SSBP3: variants seen among roughly 807,000 people sequenced by gnomAD.
SSBP3 encodes single-stranded DNA-binding protein 3.
In SSBP3, 5 loss-of-function variants were observed where a neutral mutation model predicts 69.6. The ratio of observed to expected loss-of-function variants is 0.07; its 90% CI spans 0.04 to 0.15. The LOEUF (loss-of-function observed/expected upper bound fraction) is 0.15, where lower values mean the gene tolerates loss of function less well. SSBP3 is among the 10% of genes least tolerant of loss of function. The probability of loss-of-function intolerance (pLI) is 1.00; values close to 1 mark genes in which losing one functional copy is unlikely to be tolerated. For synonymous variants in SSBP3, 196 were observed against 193.4 expected (o/e 1.01, Z -0.11); for missense variants, 312 against 534.0 (o/e 0.58, Z 4.10).
intron 5 of SSBP3, among the ~76,000 whole-genome samples, chr1:54,273,763 A>G (rs909751147): frequency 1.3e-5 from 2 of 152,220 alleles, no homozygotes; most frequent in Admixed American, 6.5e-5. Context: ...ATTTGGCAGC[A>G]GGGCTGGTAT....
At chr1:54,310,597 C>G (rs563913121) in intron 4 of SSBP3, among the ~76,000 whole-genome samples, 145 of 152,218 alleles carry the variant, frequency 9.5e-4, no homozygotes, top group African/African-American at 3.3e-3. Context: ...CTTCCTCCCT[C>G]CCCCACCCTC....
At chr1:54,271,580 A>T (rs1476523211) in intron 5 of SSBP3, among the ~76,000 whole-genome samples, 2 of 147,988 alleles carry the variant, frequency 1.4e-5, no homozygotes, top group Admixed American at 6.8e-5. Flanking sequence ...TGCTCCAAAG[A>T]CCCTGTTCAC....
chr1:54,352,038 G>A (rs572771517), intron 4 of SSBP3, among the ~76,000 whole-genome samples: 1 of 152,320 alleles, frequency 6.6e-6, no homozygotes, highest in African/African-American at 2.4e-5. Flanking sequence ...GCGCATGCCT[G>A]TAGTCCCAGC....
At chr1:54,245,733 G>A (rs561710179) in intron 9 of SSBP3, among the ~76,000 whole-genome samples, 2 of 152,374 alleles carry the variant, frequency 1.3e-5, no homozygotes, top group South Asian at 4.1e-4. Context: ...AGCCTTGTGG[G>A]AATGTGCTGG....
chr1:54,226,936 A>G (rs970906811), exon 18 of SSBP3: 2 of 605,968 alleles, frequency 3.3e-6, no homozygotes, highest in Non-Finnish European at 6.1e-6. Flanking sequence ...TATGGAATAA[A>G]AAGTTTGGCC....
At chr1:54,402,795 A>G (rs1649404573) in intron 3 of SSBP3, among the ~76,000 whole-genome samples, 1 of 152,206 alleles carries the variant, frequency 6.6e-6, no homozygotes, top group African/African-American at 2.4e-5. Flanking sequence ...ACAGACATAC[A>G]AGTCCTATGT....
At chr1:54,381,479 C>T (rs1247721628) in intron 4 of SSBP3, among the ~76,000 whole-genome samples, 1 of 150,468 alleles carries the variant, frequency 6.6e-6, no homozygotes. Flanking sequence ...TTTCCAATAA[C>T]CAATTTTTAA....
intron 4 of SSBP3, among the ~76,000 whole-genome samples, chr1:54,308,728 A>G (rs1645945639): frequency 6.6e-6 from 1 of 152,118 alleles, no homozygotes; most frequent in Non-Finnish European, 1.5e-5. Context: ...AGACTGCACC[A>G]CTGCACTTCA....
intron 13 of SSBP3, 144 bp downstream of exon 13, chr1:54,240,761 T>C (rs945576414): frequency 6.1e-5 from 65 of 1,066,256 alleles, no homozygotes; most frequent in Middle Eastern, 6.1e-4. Context: ...CCCCCTGCCC[T>C]CTAAATGCCC....
chr1:54,367,987 A>T (rs1201483164), intron 4 of SSBP3, among the ~76,000 whole-genome samples: 1 of 152,214 alleles, frequency 6.6e-6, no homozygotes, highest in Admixed American at 6.5e-5. Flanking sequence ...CAAGAAGCAT[A>T]ACATATACTC....
chr1:54,405,905 C>T (rs769739954), intron 1 of SSBP3, 48 bp downstream of exon 1: 1 of 1,187,190 alleles, frequency 8.4e-7, no homozygotes, highest in South Asian at 1.9e-5. Context: ...CGCCCGCCCG[C>T]CCGCAGCCCG....
chr1:54,349,559 C>T (rs1002018736), intron 4 of SSBP3, among the ~76,000 whole-genome samples: 5 of 152,134 alleles, frequency 3.3e-5, no homozygotes, highest in Non-Finnish European at 5.9e-5. Context: ...AAAGAGGAGA[C>T]CAGCACAGAG....
intron 4 of SSBP3, among the ~76,000 whole-genome samples, chr1:54,300,720 G>C (rs1645786233): frequency 6.6e-6 from 1 of 152,196 alleles, no homozygotes; most frequent in African/African-American, 2.4e-5. Flanking sequence ...AGAGGGCCAA[G>C]ACCATAGCTG....
intron 4 of SSBP3, among the ~76,000 whole-genome samples, chr1:54,298,296 T>C (rs1645737755): frequency 6.6e-6 from 1 of 151,974 alleles, no homozygotes; most frequent in Non-Finnish European, 1.5e-5. Flanking sequence ...TACCATGCCG[T>C]ACGGTCACAC....
intron 4 of SSBP3, among the ~76,000 whole-genome samples, chr1:54,381,570 T>A (rs144040802): frequency 1.4e-4 from 22 of 152,282 alleles, no homozygotes; most frequent in African/African-American, 5.3e-4. Context: ...ACCAAGGTGA[T>A]CACCACTTTC....
intron 9 of SSBP3, among the ~76,000 whole-genome samples, chr1:54,249,174 G>C (rs987955812): frequency 6.6e-6 from 1 of 152,200 alleles, no homozygotes; most frequent in Non-Finnish European, 1.5e-5. Flanking sequence ...AGCACACCCT[G>C]CTGCTCTCAA....
chr1:54,296,366 C>A (rs1169107040), intron 4 of SSBP3, among the ~76,000 whole-genome samples: 1 of 152,236 alleles, frequency 6.6e-6, no homozygotes, highest in Non-Finnish European at 1.5e-5. Context: ...CCCTACTTTG[C>A]TGCAAATCTG....
At chr1:54,277,754 G>C (rs997340570) in intron 5 of SSBP3, among the ~76,000 whole-genome samples, 1 of 152,176 alleles carries the variant, frequency 6.6e-6, no homozygotes. Context: ...TTTGGACTTA[G>C]AAATCCTTAC....
At chr1:54,341,676 G>GA (rs949883556) in intron 4 of SSBP3, among the ~76,000 whole-genome samples, 18 of 150,896 alleles carry the variant, frequency 1.2e-4, no homozygotes, top group African/African-American at 4.4e-4. Context: ...GGTTGTGGAG[G>GA]AAACATGTAC....
Sources: allele counts gnomAD v4.1 joint callset (sites outside exome capture counted in the v4.1 genomes callset), GRCh38; gene constraint gnomAD v4.1.1; transcripts MANE v1.5; gene names NCBI Gene and HGNC (gene_info 2026-07-23, HGNC 2026-07-21).